The following CASZ1 variants were observed in gnomAD, a reference collection of about 807,000 sequenced individuals.
CASZ1 encodes the protein zinc finger protein castor homolog 1.
Under a neutral mutation model 135.2 loss-of-function variants are expected in CASZ1, and 28 were observed. That is an observed-to-expected ratio of 0.21 (90% confidence interval 0.15 to 0.28). The LOEUF is 0.28. Ranked by LOEUF, CASZ1 falls within the 10% of genes least tolerant of loss-of-function variation. The probability of loss-of-function intolerance (pLI) is 1.00; values close to 1 mark genes in which losing one functional copy is unlikely to be tolerated. For synonymous variants in CASZ1, 1,068 were observed against 1,073.4 expected (o/e 0.99, Z 0.10); for missense variants, 2,161 against 2,453.3 (o/e 0.88, Z 2.52).
At position 10,709,811 on chromosome 1, in the gene CASZ1, C is replaced by A. The variant is rs532355020; in HGVS notation, c.-76-4267G>T. Among the ~76,000 whole-genome samples the A allele has an allele frequency of 7.2e-5, 11 of 152,306 alleles. No individual in the cohort carries two copies. The South Asian group carries it at 2.3e-3, about 32-fold the overall frequency. ...GGCAAAACGGAAAGGTCAGAGGAAGCCCGGAACTTTTACACAGCAGTTAGC... is the reference window on the plus strand; with the variant it reads ...GGCAAAACGGAAAGGTCAGAGGAAGACCGGAACTTTTACACAGCAGTTAGC... On this transcript the variant is annotated intron_variant, in intron 2 of 20. Transcript: ENST00000377022. The surrounding 1 kb of genome is among the most constrained non-coding windows in gnomAD (Gnocchi z 5.1).
intron 13 of CASZ1, chr1:10,649,961 G>A (rs1307195302): frequency 6.5e-6 from 1 of 152,746 alleles, no homozygotes; most frequent in Admixed American, 6.5e-5. Context: ...TCCAAGGGAA[G>A]GGAGGGGGTC....
intron 4 of CASZ1, among the ~76,000 whole-genome samples, chr1:10,686,087 C>T (rs1358728511): frequency 6.6e-6 from 1 of 152,128 alleles, no homozygotes; most frequent in Non-Finnish European, 1.5e-5. Context: ...CCCGTGGCCC[C>T]CACCTGACCC....
At chr1:10,681,089 C>T (rs1031286351) in intron 4 of CASZ1, among the ~76,000 whole-genome samples, 4 of 152,246 alleles carry the variant, frequency 2.6e-5, no homozygotes, top group East Asian at 1.9e-4. Flanking sequence ...TTAGTAGAGA[C>T]GGGGTTTCGC....
At chr1:10,710,486 C>T (rs925683826) in intron 2 of CASZ1, among the ~76,000 whole-genome samples, 3 of 152,192 alleles carry the variant, frequency 2.0e-5, no homozygotes, top group African/African-American at 7.2e-5. Context: ...AAGTTGGTGG[C>T]CTAGTTTGCT....
chr1:10,671,393 T>A (rs973364193), intron 4 of CASZ1, among the ~76,000 whole-genome samples: 2 of 152,206 alleles, frequency 1.3e-5, no homozygotes, highest in Non-Finnish European at 2.9e-5. Context: ...ACATGTGGAA[T>A]CTCAGAGTGC....
chr1:10,794,758 T>C lies in CASZ1; in HGVS notation c.-234+1806A>G, dbSNP rs1262984836. ...AGAGAAAAATCTATTATTATTATCT[T>C]AATCTACGCCCCCAAAGTGTCCCTC... On this transcript the variant is annotated intron_variant, in intron 1 of 20. Coordinates refer to ENST00000377022, the MANE Select transcript of CASZ1 (RefSeq NM_001079843.3). The surrounding 1 kb of genome is among the most constrained non-coding windows in gnomAD (Gnocchi z 5.6). Among the ~76,000 whole-genome samples the C allele has an allele frequency of 6.6e-6, 1 of 152,184 alleles. No homozygotes were observed. The highest frequency in any genetic ancestry group is 1.5e-5 in the Non-Finnish European group (1 of 68,026).
intron 1 of CASZ1, among the ~76,000 whole-genome samples, chr1:10,793,242 G>A (rs187239027): frequency 1.3e-5 from 2 of 151,576 alleles, no homozygotes; most frequent in African/African-American, 4.8e-5. Flanking sequence ...TTATATGATG[G>A]GGGGAGGAAG....
chr1:10,661,093 C>G (rs1266568384), intron 5 of CASZ1: 1 of 161,344 alleles, frequency 6.2e-6, no homozygotes, highest in Non-Finnish European at 1.4e-5. Flanking sequence ...ACAAGCCTTC[C>G]TAGGACCTGG....
At chr1:10,729,790 G>A (rs749759605) in intron 2 of CASZ1, among the ~76,000 whole-genome samples, 12 of 152,174 alleles carry the variant, frequency 7.9e-5, no homozygotes, top group South Asian at 4.1e-4. Context: ...CTTCCAGCTC[G>A]AGAAAAGCCA....
intron 2 of CASZ1, among the ~76,000 whole-genome samples, chr1:10,716,179 C>T (rs1470884660): frequency 2.0e-5 from 3 of 150,136 alleles, no homozygotes; most frequent in Non-Finnish European, 3.0e-5. Context: ...GCACCCAATC[C>T]GCTCTCCACA....
chr1:10,746,129 T>G (rs1640035915), intron 2 of CASZ1, among the ~76,000 whole-genome samples: 1 of 152,214 alleles, frequency 6.6e-6, no homozygotes, highest in Non-Finnish European at 1.5e-5. Context: ...AGGGCGAAGC[T>G]GAGGACATAC....
chr1:10,662,173 CAT>C (rs2100273509), intron 5 of CASZ1, among the ~76,000 whole-genome samples: 1 of 151,968 alleles, frequency 6.6e-6, no homozygotes, highest in South Asian at 2.1e-4. Context: ...ACAACACACA[CAT>C]GCATTCTCAT....
intron 1 of CASZ1, among the ~76,000 whole-genome samples, chr1:10,789,488 G>A (rs1295318888): frequency 2.0e-5 from 3 of 151,364 alleles, no homozygotes; most frequent in African/African-American, 7.3e-5. Flanking sequence ...GACTTATTAA[G>A]AATGATAATG....
Position 10,644,796 on chromosome 1 carries a change from CAA to C in CASZ1, c.3868+119_3868+120del. On this transcript the variant is annotated intron_variant, in intron 18 of 20. Coordinates refer to ENST00000377022, the MANE Select transcript of CASZ1 (RefSeq NM_001079843.3). The stretch of plus-strand genomic sequence containing the variant: ...CCCGTGATATCTGGGACACCTTTAA[CAA>C]AACGTGGAGCCTGCGGTGGGGAACA... The C allele has an allele frequency of 2.9e-6, 3 of 1,049,174 alleles. No homozygotes were observed. The East Asian group carries it at 7.2e-5, about 25-fold the overall frequency. The allele number at this position is 1,049,174 out of a possible 1,614,324, so 65.0% of individuals were successfully genotyped here.
intron 11 of CASZ1, chr1:10,652,146 C>T (rs904928405): frequency 6.6e-6 from 1 of 152,364 alleles, no homozygotes; most frequent in Admixed American, 6.5e-5. Flanking sequence ...GAAAACGGCC[C>T]AGCTCCCCTG....
intron 1 of CASZ1, among the ~76,000 whole-genome samples, chr1:10,772,474 G>A (rs1253660565): frequency 6.6e-6 from 1 of 152,092 alleles, no homozygotes; most frequent in Non-Finnish European, 1.5e-5. Context: ...CCTGCTCTCT[G>A]CCTAGTCCTG....
intron 11 of CASZ1, 84 bp from the exon 12 acceptor site, chr1:10,651,160 G>C: frequency 5.0e-6 from 6 of 1,199,970 alleles, no homozygotes; most frequent in African/African-American, 1.6e-5. Flanking sequence ...CCTGGAGGGA[G>C]GGCAGTGGGC....
At chr1:10,765,182 G>A (rs1640451096) in intron 1 of CASZ1, among the ~76,000 whole-genome samples, 2 of 152,126 alleles carry the variant, frequency 1.3e-5, no homozygotes, top group South Asian at 4.1e-4. Context: ...GGGGAATGTG[G>A]GTACGGGGAG....
chr1:10,731,500 C>T (rs949209954), intron 2 of CASZ1, among the ~76,000 whole-genome samples: 1 of 152,068 alleles, frequency 6.6e-6, no homozygotes, highest in Non-Finnish European at 1.5e-5. Context: ...TGGGAGAATC[C>T]TTTGACCTGG....
Sources: gnomAD v4.1 joint callset for allele counts (sites outside exome capture counted in the v4.1 genomes callset) on GRCh38, gnomAD v4.1.1 for gene constraint, Gnocchi (gnomAD v3.1) non-coding constraint, MANE v1.5 for transcripts, NCBI Gene and HGNC (gene_info 2026-07-23, HGNC 2026-07-21) for gene names.